The following SPAG16 variants were observed in gnomAD, a reference collection of about 807,000 sequenced individuals.
SPAG16 encodes sperm associated antigen 16.
SPAG16 carries 86 observed loss-of-function variants against 80.4 expected under a neutral mutation model. The ratio of observed to expected loss-of-function variants is 1.07; its 90% CI spans 0.90 to 1.28. The LOEUF is 1.28. Ranked by LOEUF, SPAG16 falls within the 50% of genes most tolerant of loss-of-function variation. SPAG16 has a pLI of 0.00. For synonymous variants in SPAG16, 294 were observed against 265.9 expected (o/e 1.11, Z -1.03); for missense variants, 870 against 765.3 (o/e 1.14, Z -1.61).
chr2:214,117,936 T>C (rs2054021923), intron 14 of SPAG16, among the ~76,000 whole-genome samples: 1 of 152,162 alleles, frequency 6.6e-6, no homozygotes, highest in Admixed American at 6.5e-5. Context: ...CTCTAAAATC[T>C]GGACTAAGAC....
At chr2:214,312,069 G>C (rs996158076) in intron 15 of SPAG16, among the ~76,000 whole-genome samples, 4 of 152,110 alleles carry the variant, frequency 2.6e-5, no homozygotes, top group Non-Finnish European at 5.9e-5. Context: ...ACTAATAAGA[G>C]GAATTATTCA....
intron 10 of SPAG16, among the ~76,000 whole-genome samples, chr2:213,535,032 C>G (rs1254714395): frequency 6.6e-6 from 1 of 152,028 alleles, no homozygotes; most frequent in Non-Finnish European, 1.5e-5. Context: ...ATAAACCAAC[C>G]CTGCTAACAT....
chr2:214,042,944 G>A (rs893877581), intron 13 of SPAG16, among the ~76,000 whole-genome samples: 13 of 152,064 alleles, frequency 8.5e-5, no homozygotes, highest in African/African-American at 2.9e-4. Flanking sequence ...AGAATCTCTT[G>A]AGGACAGTGA....
chr2:213,785,207 C>T (rs574867126), intron 10 of SPAG16, among the ~76,000 whole-genome samples: 141 of 152,144 alleles, frequency 9.3e-4, no homozygotes, highest in Non-Finnish European at 1.3e-3. Flanking sequence ...TGGACAAATA[C>T]GATGTGATTT....
chr2:213,651,598 A>G (rs2063026381), intron 10 of SPAG16, among the ~76,000 whole-genome samples: 1 of 152,144 alleles, frequency 6.6e-6, no homozygotes, highest in African/African-American at 2.4e-5. Flanking sequence ...CTCTTTCCAA[A>G]CATAAGAAAC....
intron 10 of SPAG16, among the ~76,000 whole-genome samples, chr2:213,583,677 A>G (rs1002223180): frequency 1.3e-5 from 2 of 152,180 alleles, no homozygotes; most frequent in African/African-American, 4.8e-5. Flanking sequence ...CTGTTTAAAC[A>G]TCTTCTCAGC....
At chr2:213,870,878 A>C (rs2075918270) in intron 11 of SPAG16, among the ~76,000 whole-genome samples, 1 of 152,192 alleles carries the variant, frequency 6.6e-6, no homozygotes, top group South Asian at 2.1e-4. Flanking sequence ...CAAGGTCTAG[A>C]TCTCACCCAT....
intron 15 of SPAG16, among the ~76,000 whole-genome samples, chr2:214,302,774 C>T (rs537776181): frequency 2.0e-5 from 3 of 152,254 alleles, no homozygotes; most frequent in East Asian, 1.9e-4. Flanking sequence ...TGAGCCACCG[C>T]GCCTGGCCAA....
intron 12 of SPAG16, among the ~76,000 whole-genome samples, chr2:213,937,191 T>G (rs77592792): frequency 3.0e-3 from 453 of 152,268 alleles, no homozygotes; most frequent in Non-Finnish European, 4.5e-3. Context: ...ATGTTCTTTA[T>G]GTTTCATTTG....
intron 10 of SPAG16, among the ~76,000 whole-genome samples, chr2:213,741,325 G>A (rs1199858164): frequency 6.6e-6 from 1 of 152,108 alleles, no homozygotes; most frequent in Non-Finnish European, 1.5e-5. Context: ...CAGATTGGGT[G>A]ATATGCTGAC....
intron 15 of SPAG16, among the ~76,000 whole-genome samples, chr2:214,345,047 A>G (rs1697966548): frequency 6.6e-6 from 1 of 152,174 alleles, no homozygotes; most frequent in South Asian, 2.1e-4. Context: ...ATGGGAAACA[A>G]TCGTTCTTAC....
At chr2:213,842,615 T>C (rs2074415902) in intron 10 of SPAG16, among the ~76,000 whole-genome samples, 3 of 152,214 alleles carry the variant, frequency 2.0e-5, no homozygotes, top group Non-Finnish European at 1.5e-5. Context: ...CTAGTTATTG[T>C]GGCTATCAGT....
chr2:213,479,435 G>A (rs975584718), intron 9 of SPAG16, among the ~76,000 whole-genome samples: 1 of 151,988 alleles, frequency 6.6e-6, no homozygotes, highest in East Asian at 1.9e-4. Context: ...TATATTATAA[G>A]CTACATGAGG....
chr2:214,152,850 A>T (rs1350245017), intron 15 of SPAG16, among the ~76,000 whole-genome samples: 1 of 152,170 alleles, frequency 6.6e-6, no homozygotes, highest in African/African-American at 2.4e-5. Flanking sequence ...ACAGAGAGAA[A>T]GACAGCTTAT....
intron 13 of SPAG16, among the ~76,000 whole-genome samples, chr2:214,079,682 C>T (rs942892947): frequency 2.0e-5 from 3 of 152,078 alleles, no homozygotes; most frequent in African/African-American, 7.2e-5. Context: ...TAATGTGGGA[C>T]CAATAATATA....
intron 11 of SPAG16, among the ~76,000 whole-genome samples, chr2:213,873,241 T>C (rs1313134313): frequency 6.6e-6 from 1 of 152,092 alleles, no homozygotes; most frequent in Non-Finnish European, 1.5e-5. Flanking sequence ...CAAGAATTTG[T>C]CTACTCTATC....
intron 15 of SPAG16, among the ~76,000 whole-genome samples, chr2:214,237,085 T>C (rs1689132806): frequency 6.6e-6 from 1 of 152,232 alleles, no homozygotes; most frequent in African/African-American, 2.4e-5. Flanking sequence ...GTAAATATCA[T>C]ATGTAGAGTA....
rs189849964 is a variant in SPAG16 at position 213,320,024 on chromosome 2, A to G, written c.536+2668A>G. On this transcript the variant is annotated intron_variant, in intron 5 of 15. Transcript: ENST00000331683. ...TTGTGTTTGCTTTACTCTACTTGACATGGAAGATTTGAAAGGAAGCTGCTT... is the reference window on the plus strand; with the variant it reads ...TTGTGTTTGCTTTACTCTACTTGACGTGGAAGATTTGAAAGGAAGCTGCTT... Among the ~76,000 whole-genome samples, 355 of 152,092 alleles carry G rather than the reference A, an allele frequency of 2.3e-3. 4 individuals are homozygous for G. Among genetic ancestry groups the G allele is most frequent in the African/African-American group, 8.3e-3 (343 of 41,560 alleles).
chr2:213,657,787 A>G (rs929419743), intron 10 of SPAG16, among the ~76,000 whole-genome samples: 4 of 152,184 alleles, frequency 2.6e-5, no homozygotes, highest in Admixed American at 1.3e-4. Context: ...ATAAAGAGAG[A>G]AAAGATATAG....
Sources: allele counts gnomAD v4.1 joint callset (sites outside exome capture counted in the v4.1 genomes callset), GRCh38; gene constraint gnomAD v4.1.1; transcripts MANE v1.5; gene names NCBI Gene and HGNC (gene_info 2026-07-23, HGNC 2026-07-21).